The following ANKH variants were observed in gnomAD, a reference collection of about 807,000 sequenced individuals.
The protein encoded by ANKH is ANKH inorganic pyrophosphate transport regulator, also known as mineralization regulator ANKH.
Under a neutral mutation model 49.0 loss-of-function variants are expected in ANKH, and 15 were observed. The observed-to-expected ratio is 0.31, with a 90% CI of 0.20 to 0.47. The LOEUF is 0.47. Ranked by LOEUF, ANKH falls within the 20% of genes least tolerant of loss-of-function variation. ANKH has a pLI of 1.00. For missense variants in ANKH, 429 were observed against 652.0 expected (o/e 0.66, Z 3.72); for synonymous variants, 273 against 260.0 (o/e 1.05, Z -0.48).
chr5:14,842,829 G>A (rs1003645984), intron 1 of ANKH, among the ~76,000 whole-genome samples: 1 of 152,132 alleles, frequency 6.6e-6, no homozygotes, highest in Non-Finnish European at 1.5e-5. Context: ...CCCATGGGTG[G>A]TGATTTTCTT....
intron 2 of ANKH, among the ~76,000 whole-genome samples, chr5:14,764,093 T>A (rs927826311): frequency 2.7e-4 from 41 of 150,606 alleles, no homozygotes; most frequent in Admixed American, 7.3e-4. Context: ...AATAAATAAA[T>A]AAAAATAAAA....
intron 7 of ANKH, among the ~76,000 whole-genome samples, chr5:14,744,012 C>T (rs74967190): frequency 0.028 from 4,340 of 152,284 alleles, 239 homozygotes; most frequent in African/African-American, 0.1. Flanking sequence ...ATCAGATGAT[C>T]ACCTTATTAA....
At chr5:14,736,390 G>T (rs1045664626) in intron 8 of ANKH, among the ~76,000 whole-genome samples, 4 of 152,200 alleles carry the variant, frequency 2.6e-5, no homozygotes, top group African/African-American at 4.8e-5. Context: ...TCAACCGGTG[G>T]ATAACCAATT....
At chr5:14,760,398 A>T (rs1739037948) in intron 2 of ANKH, among the ~76,000 whole-genome samples, 1 of 152,212 alleles carries the variant, frequency 6.6e-6, no homozygotes, top group South Asian at 2.1e-4. Context: ...CTGATTTTGC[A>T]GCCAGGTGAG....
chr5:14,727,155 CAG>C (rs902329866), intron 8 of ANKH, among the ~76,000 whole-genome samples: 33 of 152,076 alleles, frequency 2.2e-4, no homozygotes, highest in African/African-American at 7.2e-4. Flanking sequence ...CTGAGAGAAA[CAG>C]AGCTTGGTTT....
intron 1 of ANKH, chr5:14,797,598 G>A (rs1740428834): frequency 1.2e-6 from 2 of 1,609,192 alleles, no homozygotes; most frequent in Non-Finnish European, 1.7e-6. Flanking sequence ...AGTGTCAACT[G>A]AGTGGCTTGG....
intron 1 of ANKH, among the ~76,000 whole-genome samples, chr5:14,778,317 A>C (rs999805999): frequency 6.6e-6 from 1 of 152,160 alleles, no homozygotes; most frequent in African/African-American, 2.4e-5. Context: ...CAAATGGAGA[A>C]TTGATCCCTT....
chr5:14,832,760 T>C (rs1486002014), intron 1 of ANKH, among the ~76,000 whole-genome samples: 3 of 152,172 alleles, frequency 2.0e-5, no homozygotes, highest in African/African-American at 7.2e-5. Context: ...TTTGTAACAT[T>C]TGAAGCAAGG....
At chr5:14,720,680 G>A (rs1180836640) in intron 8 of ANKH, among the ~76,000 whole-genome samples, 1 of 152,212 alleles carries the variant, frequency 6.6e-6, no homozygotes. Flanking sequence ...AAGCCATTCT[G>A]TGTTTATCTA....
chr5:14,783,289 TACACACACACACAC>T (rs57904537), intron 1 of ANKH, among the ~76,000 whole-genome samples: 63 of 144,628 alleles, frequency 4.4e-4, no homozygotes, highest in Middle Eastern at 3.6e-3. Flanking sequence ...GCCACCATTC[TACACACACACACAC>T]ACACACACAC....
At chr5:14,787,719 T>G (rs944552276) in intron 1 of ANKH, among the ~76,000 whole-genome samples, 6 of 152,250 alleles carry the variant, frequency 3.9e-5, no homozygotes, top group African/African-American at 1.4e-4. Flanking sequence ...AAGCAAAGGC[T>G]GACAGGTCAC....
intron 8 of ANKH, among the ~76,000 whole-genome samples, chr5:14,721,733 A>C (rs187014535): frequency 1.1e-3 from 168 of 152,220 alleles, no homozygotes; most frequent in Non-Finnish European, 1.8e-3. Flanking sequence ...GATCGAGACC[A>C]TCCTGGCTAA....
At chr5:14,793,062 T>A (rs1169358273) in intron 1 of ANKH, among the ~76,000 whole-genome samples, 5 of 26,300 alleles carry the variant, frequency 1.9e-4, no homozygotes, top group African/African-American at 4.8e-4. Flanking sequence ...ATATATAAAA[T>A]ATATATAAAT....
intron 1 of ANKH, among the ~76,000 whole-genome samples, chr5:14,825,733 C>A (rs1364140312): frequency 6.6e-6 from 1 of 152,222 alleles, no homozygotes; most frequent in Non-Finnish European, 1.5e-5. Flanking sequence ...AATGAGCTGA[C>A]TCATCTGAAC....
chr5:14,735,635 G>T (rs559454194), intron 8 of ANKH, among the ~76,000 whole-genome samples: 4 of 152,286 alleles, frequency 2.6e-5, no homozygotes, highest in East Asian at 3.9e-4. Context: ...GCTAGGGAAG[G>T]GTCTGTTCCA....
In ANKH at chr5:14,782,373, G is replaced by A. The variant is rs80171974; in HGVS notation, c.97-13182C>T. ...GGAGGAAACTGATGTATGGAGAGGC[G>A]AAATCACTCATCCAGGGTGGACACA... On this transcript the variant is annotated intron_variant, in intron 1 of 11. Transcript: ENST00000284268. Among the ~76,000 whole-genome samples, 109 of 152,200 alleles carry A rather than the reference G, an allele frequency of 7.2e-4. No homozygotes were observed. The East Asian group carries it at 0.014, about 19-fold the overall frequency.
chr5:14,798,454 G>A (rs1561060791), intron 1 of ANKH: 8 of 1,433,234 alleles, frequency 5.6e-6, no homozygotes, highest in Non-Finnish European at 6.7e-6. Context: ...GGAGGGGCAG[G>A]GAGGCTGCAG....
intron 1 of ANKH, among the ~76,000 whole-genome samples, chr5:14,823,429 A>T (rs1451039002): frequency 6.6e-6 from 1 of 152,222 alleles, no homozygotes; most frequent in African/African-American, 2.4e-5. Flanking sequence ...AACAATTTGC[A>T]GTGGAAATGA....
chr5:14,737,547 G>A lies in ANKH; in HGVS notation c.1011+4280C>T, dbSNP rs538108736. 6.6e-6 allele frequency among the ~76,000 whole-genome samples: 1 copy of A among 152,344 alleles called. No individual in the cohort carries two copies. Among genetic ancestry groups the A allele is most frequent in the Non-Finnish European group, 1.5e-5 (1 of 68,028 alleles). ...CACATGAGCGACAGAGACCGCAGCT[G>A]TCCAGGAAGGCTCAGGGCAAGGCGA... is the stretch of plus-strand genomic sequence containing the variant. On this transcript the variant is annotated intron_variant, in intron 8 of 11. Transcript: ENST00000284268. This position sits in a 1 kb window ranked among gnomAD's most constrained non-coding sequence, Gnocchi z 5.0.
Sources: gnomAD v4.1 joint callset for allele counts (sites outside exome capture counted in the v4.1 genomes callset) on GRCh38, gnomAD v4.1.1 for gene constraint, Gnocchi (gnomAD v3.1) non-coding constraint, MANE v1.5 for transcripts, NCBI Gene and HGNC (gene_info 2026-07-23, HGNC 2026-07-21) for gene names.